Variants in SDK2 observed in about 807,000 individuals in gnomAD.
The protein encoded by SDK2 is protein sidekick-2.
Under a neutral mutation model 253.9 loss-of-function variants are expected in SDK2, and 105 were observed. The observed-to-expected ratio is 0.41, with a 90% confidence interval of 0.35 to 0.49. The LOEUF is 0.49. SDK2 is among the 20% of genes least tolerant of loss of function. The pLI, the probability that SDK2 is intolerant of heterozygous loss-of-function variation, is 0.06. For missense variants in SDK2, 2,608 were observed against 3,003.0 expected, an observed-to-expected ratio of 0.87 and a Z score of 3.07; for synonymous variants, 1,249 against 1,234.9, an observed-to-expected ratio of 1.01 and a Z score of -0.24.
rs1293348248 is a variant in SDK2, at chr17:73,335,529, A to G, written c.*3058T>C. On this transcript the variant is annotated 3_prime_UTR_variant, in exon 45 of 45. Transcript: ENST00000392650. ...GGGAGCCTCGGCTGTGCCAGTAGAT[A>G]TGTAAACAAGGGCAAAGAGACGTGT... 6.6e-6 allele frequency: 1 copy of G among 152,284 alleles called. No homozygotes were observed. The highest frequency in any genetic ancestry group is 2.4e-5 in the African/African-American group (1 of 41,452). The allele number at this position is 152,284 out of a possible 1,614,324, so 9.4% of individuals were successfully genotyped here. A position where few individuals can be genotyped will look rare whatever the true frequency, so the allele number is the denominator to read the frequency against.
chr17:73,368,263 TG>T, intron 37 of SDK2, 143 bp downstream of exon 37: 1 of 710,530 alleles, frequency 1.4e-6, no homozygotes, highest in Non-Finnish European at 2.1e-6. Flanking sequence ...AGGGTGTCTC[TG>T]GGGACCTGGG....
intron 2 of SDK2, among the ~76,000 whole-genome samples, chr17:73,488,032 T>C (rs935655843): frequency 6.6e-6 from 1 of 151,868 alleles, no homozygotes; most frequent in African/African-American, 2.4e-5. Flanking sequence ...CCCTTTTTTT[T>C]TGAGACGGAG....
rs1339246617 is a variant in SDK2, at chr17:73,643,773, G to C, written c.64+252C>G. Among the ~76,000 whole-genome samples, 1 of 152,010 alleles carries C rather than the reference G, an allele frequency of 6.6e-6. No individual in the cohort carries two copies. Among genetic ancestry groups the C allele is most frequent in the Non-Finnish European group, 1.5e-5 (1 of 67,968 alleles). On this transcript the variant is annotated intron_variant, in intron 1 of 44. Transcript: ENST00000392650. The surrounding 1 kb of genome is among the most constrained non-coding windows in gnomAD (Gnocchi z 6.9). ...GAGCGCCCCTCCCACTTCACCTTGG[G>C]CTCTTCTCTGCCTCCCCAGGTCGTC... is the stretch of plus-strand genomic sequence containing the variant.
intron 36 of SDK2, among the ~76,000 whole-genome samples, chr17:73,378,829 G>C (rs1195177939): frequency 6.6e-6 from 1 of 152,098 alleles, no homozygotes; most frequent in African/African-American, 2.4e-5. Context: ...GCCCCTTGGA[G>C]GGTCTTAAGT....
rs761500362 is a variant in SDK2, at chr17:73,385,898, G to A, written c.4518C>T (p.Thr1506=). The stretch of plus-strand genomic sequence containing the variant: ...TGGTGTGGGGCGTCACGGAGAGGAT[G>A]GTGGGTGCTTCATCGGGGGCTGTGG... The part of the protein sequence containing the change: ...TLQAAPDEAP[T]ILSVTPHTTT... The change falls in exon 32 of 45, where the codon ACC becomes ACT. Residue 1506 remains threonine (T), a synonymous_variant. Coordinates refer to ENST00000392650, the MANE Select transcript of SDK2 (RefSeq NM_001144952.2). The A allele has an allele frequency of 1.4e-5, 22 of 1,608,016 alleles. No individual in the cohort carries two copies. The Admixed American group carries it at 1.5e-4, about 11-fold the overall frequency.
intron 4 of SDK2, among the ~76,000 whole-genome samples, chr17:73,452,198 C>T (rs982442462): frequency 1.4e-4 from 21 of 152,170 alleles, no homozygotes; most frequent in African/African-American, 4.6e-4. Context: ...CCGGGGCATG[C>T]ATGAGGTGGT....
intron 18 of SDK2, among the ~76,000 whole-genome samples, chr17:73,409,946 T>G (rs553951802): frequency 6.6e-6 from 1 of 152,194 alleles, no homozygotes; most frequent in Admixed American, 6.5e-5. Flanking sequence ...CCTTGAATCG[T>G]GGTCTCAAAC....
chr17:73,373,665 CT>C (rs201908475), intron 36 of SDK2, among the ~76,000 whole-genome samples: 3 of 151,294 alleles, frequency 2.0e-5, no homozygotes, highest in Non-Finnish European at 3.0e-5. Context: ...CTTCTTTTTT[CT>C]TTTTTTTTGA....
intron 2 of SDK2, among the ~76,000 whole-genome samples, chr17:73,473,540 C>A (rs1217429172): frequency 6.6e-6 from 1 of 152,204 alleles, no homozygotes; most frequent in Admixed American, 6.5e-5. Context: ...ATGTGCCAAC[C>A]CTGGGATGCA....
At chr17:73,568,270 A>G (rs535208562) in intron 1 of SDK2, among the ~76,000 whole-genome samples, 7 of 152,164 alleles carry the variant, frequency 4.6e-5, no homozygotes, top group South Asian at 4.2e-4. Context: ...CTTTTTCTCT[A>G]TGTGACACAA....
chr17:73,353,107 T>A (rs1172262664), intron 40 of SDK2, among the ~76,000 whole-genome samples: 1 of 151,238 alleles, frequency 6.6e-6, no homozygotes, highest in Non-Finnish European at 1.5e-5. Context: ...AAAAGACACC[T>A]TTTGGAGCAT....
chr17:73,605,715 C>T (rs563844682), intron 1 of SDK2, among the ~76,000 whole-genome samples: 8 of 152,122 alleles, frequency 5.3e-5, no homozygotes, highest in South Asian at 4.1e-4. Flanking sequence ...ACCTTGGCAC[C>T]GGGATGACCT....
At position 73,395,161 on chromosome 17, in the gene SDK2, C is replaced by T; in HGVS notation, c.3586G>A (p.Glu1196Lys). Residue 1196 changes from glutamate to lysine, a missense_variant, in exon 25 of 45, where the codon GAG becomes AAG. By Grantham distance (56) the Glu-to-Lys change is moderately conservative. This residue lies in a region of SDK2 where 1,505 missense variants were observed against 1,859.1 expected (regional missense o/e 0.81). Coordinates refer to ENST00000392650, the MANE Select transcript of SDK2 (RefSeq NM_001144952.2). The surrounding 1 kb of genome is among the most constrained non-coding windows in gnomAD (Gnocchi z 4.3). ...WSQTVVGRTR[E>K]SVPSSGPTNV... The stretch of plus-strand genomic sequence containing the variant: ...GGGTGTGAGGGGTTGGTACCTGACT[C>T]CCGGGTCCTGCCCACCACCGTCTGG... 1 of 1,590,002 alleles carries T rather than the reference C, an allele frequency of 6.3e-7. No homozygotes were observed. The highest frequency in any genetic ancestry group is 1.1e-5 in the South Asian group (1 of 87,808).
chr17:73,631,330 C>T (rs2046267763), intron 1 of SDK2, among the ~76,000 whole-genome samples: 1 of 152,208 alleles, frequency 6.6e-6, no homozygotes, highest in African/African-American at 2.4e-5. Flanking sequence ...ATGGGGAAGT[C>T]AAGGGTCACC....
In SDK2 at chr17:73,511,274, G is replaced by C. The variant is rs1397715110; in HGVS notation, c.65-3677C>G. Among the ~76,000 whole-genome samples the C allele has an allele frequency of 6.6e-6, 1 of 152,252 alleles. No individual in the cohort carries two copies. Among genetic ancestry groups the C allele is most frequent in the Non-Finnish European group, 1.5e-5 (1 of 68,036 alleles). On this transcript the variant is annotated intron_variant, in intron 1 of 44. Transcript: ENST00000392650. This position sits in a 1 kb window ranked among gnomAD's most constrained non-coding sequence, Gnocchi z 4.9. ...ATCCCTTCCATGTGGGGCTGACTCA[G>C]AGCCAGAACAGTCAGAGGGGCTGGG...
chr17:73,460,324 G>A (rs2063555157), intron 3 of SDK2, among the ~76,000 whole-genome samples: 1 of 152,148 alleles, frequency 6.6e-6, no homozygotes, highest in African/African-American at 2.4e-5. Flanking sequence ...CGCCCTGAGA[G>A]GACTTCAGCC....
chr17:73,344,864 C>G (rs375537947), intron 44 of SDK2, among the ~76,000 whole-genome samples: 55 of 152,322 alleles, frequency 3.6e-4, no homozygotes, highest in African/African-American at 1.3e-3. Context: ...CTCCAGCCAG[C>G]TGCAAACCTG....
At chr17:73,438,751 G>T (rs2063391986) in intron 6 of SDK2, among the ~76,000 whole-genome samples, 1 of 152,156 alleles carries the variant, frequency 6.6e-6, no homozygotes, top group African/African-American at 2.4e-5. Flanking sequence ...AAGCCCCCGA[G>T]ACTTGGGTCT....
At chr17:73,499,563 C>G (rs74737214) in intron 2 of SDK2, among the ~76,000 whole-genome samples, 3,550 of 152,326 alleles carry the variant, frequency 0.023, 155 homozygotes, top group African/African-American at 0.082. Context: ...TCATGGCCCC[C>G]GGGGCAGAAG....
Sources: allele counts gnomAD v4.1 joint callset (sites outside exome capture counted in the v4.1 genomes callset), GRCh38; gene constraint gnomAD v4.1.1; regional missense constraint gnomAD v4.1.1; non-coding constraint Gnocchi (gnomAD v3.1); transcripts MANE v1.5; gene names NCBI Gene and HGNC (gene_info 2026-07-23, HGNC 2026-07-21).